Variants in BPI observed in about 807,000 individuals in gnomAD.
BPI encodes bactericidal permeability-increasing protein.
Under a neutral mutation model 57.6 loss-of-function variants are expected in BPI, and 48 were observed. The ratio of observed to expected loss-of-function variants is 0.83; its 90% confidence interval spans 0.66 to 1.06. The LOEUF (loss-of-function observed/expected upper bound fraction) is 1.06, where lower values mean the gene tolerates loss of function less well. Among genes scored for constraint, BPI ranks in the 50% least tolerant of loss-of-function variants. The pLI is 0.00. For missense variants in BPI, 651 were observed against 609.7 expected (o/e 1.07, Z -0.71); for synonymous variants, 237 against 238.2 (o/e 0.99, Z 0.05).
chr20:38,335,421 T>C lies in BPI; in HGVS notation c.1337-177T>C, dbSNP rs909096769. On this transcript the variant is annotated intron_variant, in intron 13 of 14. Coordinates refer to ENST00000642449, the MANE Select transcript of BPI (RefSeq NM_001725.3). ...GGACTTGGGGTTGATGGACAACAGG[T>C]GGGAGGTACGGACTCTGGGGCAGCC... The C allele has an allele frequency of 1.1e-5, 7 of 618,824 alleles. No individual in the cohort carries two copies. The Admixed American group carries it at 1.4e-4, about 12-fold the overall frequency. The allele number at this position is 618,824 out of a possible 1,614,324, so 38.3% of individuals were successfully genotyped here.
At chr20:38,313,018 CA>C (rs941122313) in intron 5 of BPI, among the ~76,000 whole-genome samples, 36 of 152,212 alleles carry the variant, frequency 2.4e-4, no homozygotes, top group African/African-American at 8.2e-4. Flanking sequence ...GCTTGGGCTC[CA>C]GGGCTTAACT....
intron 9 of BPI, 44 bp from the exon 10 acceptor site, chr20:38,326,221 C>A: frequency 1.3e-6 from 2 of 1,574,282 alleles, no homozygotes; most frequent in Non-Finnish European, 1.7e-6. Context: ...AACATTTTAA[C>A]AGAAACTCCT....
chr20:38,308,812 T>A (rs776860624), intron 2 of BPI, 118 bp from the exon 3 acceptor site: 13 of 1,351,366 alleles, frequency 9.6e-6, no homozygotes, highest in Non-Finnish European at 1.3e-5. Flanking sequence ...CCTCCTGGAA[T>A]GGATGGAGTG....
chr20:38,315,835 C>CT (rs374398594), intron 5 of BPI, among the ~76,000 whole-genome samples: 10,950 of 132,192 alleles, frequency 0.083, 541 homozygotes, highest in African/African-American at 0.12. Flanking sequence ...CTTTTCTTTT[C>CT]TTTTTTTTTT....
At chr20:38,335,522 A>C in intron 13 of BPI, 76 bp from the exon 14 acceptor site, 1 of 1,362,182 alleles carries the variant, frequency 7.3e-7, no homozygotes, top group Non-Finnish European at 1.0e-6. Flanking sequence ...CTGTCTACCC[A>C]GGCTCTCTGG....
In BPI at chr20:38,311,947, G is replaced by A. The variant is rs764880963; in HGVS notation, c.600+10G>A. Reference sequence around the variant, plus strand: ...CAAGATGAACAGCCAGGTAGGAGGGGCTCAGAGCCCCATCAGCAAACAGAG... The same window carrying A: ...CAAGATGAACAGCCAGGTAGGAGGGACTCAGAGCCCCATCAGCAAACAGAG... On this transcript the variant is annotated intron_variant, in intron 5 of 14. Transcript: ENST00000642449. 2.5e-6 allele frequency: 4 copies of A among 1,613,518 alleles called. No homozygotes were observed. The highest frequency in any genetic ancestry group is 1.1e-5 in the South Asian group (1 of 91,018).
At chr20:38,327,496 G>A (rs2076719266) in intron 10 of BPI, 92 bp from the exon 11 acceptor site, 5 of 1,411,310 alleles carry the variant, frequency 3.5e-6, no homozygotes, top group Non-Finnish European at 4.0e-6. Flanking sequence ...CTGCCCTGCT[G>A]AGCCGTTGTG....
intron 6 of BPI, among the ~76,000 whole-genome samples, chr20:38,319,305 C>T (rs762524887): frequency 4.6e-5 from 7 of 152,140 alleles, no homozygotes; most frequent in Non-Finnish European, 8.8e-5. Context: ...TGAGACTTGT[C>T]CAGAGTCATG....
intron 5 of BPI, chr20:38,317,899 G>A: frequency 1.0e-6 from 1 of 985,360 alleles, no homozygotes; most frequent in African/African-American, 1.7e-5. Flanking sequence ...GATTGGGGTG[G>A]AGTGGCAAAG....
chr20:38,323,688 G>A (rs182670767), intron 7 of BPI, among the ~76,000 whole-genome samples, 182 bp from the exon 8 acceptor site: 121 of 152,312 alleles, frequency 7.9e-4, no homozygotes, highest in Admixed American at 1.5e-3. Flanking sequence ...CCCAGGACTG[G>A]CATGAAAGGC....
At chr20:38,317,809 C>A in intron 5 of BPI, 1 of 1,503,370 alleles carries the variant, frequency 6.7e-7, no homozygotes, top group Non-Finnish European at 9.0e-7. Flanking sequence ...TCCTCAGTGT[C>A]AAAGTCAGTG....
chr20:38,330,749 T>C (rs541850861), intron 11 of BPI, among the ~76,000 whole-genome samples: 25 of 152,354 alleles, frequency 1.6e-4, no homozygotes, highest in Non-Finnish European at 2.4e-4. Flanking sequence ...CTGACTTTCA[T>C]TGGGCCAGCA....
At chr20:38,327,465 G>A in intron 10 of BPI, 123 bp from the exon 11 acceptor site, 2 of 1,023,458 alleles carry the variant, frequency 2.0e-6, no homozygotes, top group South Asian at 2.9e-5. Context: ...TGGCTCTGTG[G>A]GCCTGACCCC....
Position 38,304,319 on chromosome 20 carries a change from C to T in BPI, c.96C>T (p.Val32=), listed in dbSNP as rs149160163. ...TGACAGCGGCCGTCAACCCTGGCGT[C>T]GTGGTCAGGATCTCCCAGAAGGGCC... ...TAVTAAVNPG[V]VVRISQKGLD... is the part of the protein sequence containing the mutation. The change falls in exon 1 of 15, where the codon GTC becomes GTT. Residue 32 remains valine (V), a synonymous_variant. Coordinates refer to ENST00000642449, the MANE Select transcript of BPI (RefSeq NM_001725.3). The T allele has an allele frequency of 2.2e-5, 36 of 1,613,930 alleles. No homozygotes were observed. The African/African-American group carries it at 2.4e-4, about 11-fold the overall frequency.
intron 4 of BPI, 120 bp from the exon 5 acceptor site, chr20:38,311,754 G>C (rs952258121): frequency 2.1e-5 from 18 of 875,314 alleles, no homozygotes; most frequent in African/African-American, 1.8e-4. Context: ...GAGCTCAGAG[G>C]AGAGGGTGCC....
intron 1 of BPI, 86 bp downstream of exon 1, chr20:38,304,439 C>G: frequency 6.5e-7 from 1 of 1,528,154 alleles, no homozygotes. Flanking sequence ...AGATCCAGCA[C>G]CTGGCACACT....
chr20:38,337,116 A>C, intron 14 of BPI, 30 bp from the exon 15 acceptor site: 1 of 1,598,482 alleles, frequency 6.3e-7, no homozygotes, highest in East Asian at 2.3e-5. Context: ...TGCATCTTCA[A>C]CTGGTGACAA....
At chr20:38,314,680 T>A (rs1055660527) in intron 5 of BPI, among the ~76,000 whole-genome samples, 1 of 141,742 alleles carries the variant, frequency 7.1e-6, no homozygotes, top group Non-Finnish European at 1.5e-5. Flanking sequence ...GTGATGGTGA[T>A]GGTGGGGATG....
intron 9 of BPI, 152 bp downstream of exon 9, chr20:38,324,985 A>G: frequency 1.5e-6 from 1 of 664,974 alleles, no homozygotes; most frequent in Non-Finnish European, 2.6e-6. Context: ...CTTCATCCAC[A>G]GAACAGAGAA....
Sources: gnomAD v4.1 joint callset for allele counts (sites outside exome capture counted in the v4.1 genomes callset) on GRCh38, gnomAD v4.1.1 for gene constraint, MANE v1.5 for transcripts, NCBI Gene and HGNC (gene_info 2026-07-23, HGNC 2026-07-21) for gene names.